The following SPON1 variants were observed in gnomAD, a reference collection of about 807,000 sequenced individuals.
SPON1 encodes the protein spondin-1.
In SPON1, 52 loss-of-function variants were observed where a neutral mutation model predicts 111.7. That is an observed-to-expected ratio of 0.47 (90% CI 0.37 to 0.59). The LOEUF (loss-of-function observed/expected upper bound fraction) is 0.59. SPON1 is among the 20% of genes least tolerant of loss of function. The pLI is 0.00. For synonymous variants in SPON1, 410 were observed against 395.8 expected, an observed-to-expected ratio of 1.04 and a Z score of -0.43; for missense variants, 957 against 1,068.5, an observed-to-expected ratio of 0.90 and a Z score of 1.46.
At chr11:14,142,038 C>T (rs1355407506) in intron 6 of SPON1, among the ~76,000 whole-genome samples, 1 of 152,194 alleles carries the variant, frequency 6.6e-6, no homozygotes, top group Non-Finnish European at 1.5e-5. Flanking sequence ...CCCCTGCCAA[C>T]TATGTGACTT....
At chr11:14,011,817 G>A (rs1848407248) in intron 2 of SPON1, among the ~76,000 whole-genome samples, 1 of 151,638 alleles carries the variant, frequency 6.6e-6, no homozygotes, top group Non-Finnish European at 1.5e-5. Context: ...GAGGTGAGAG[G>A]GAACCCTAAA....
At position 14,262,754 on chromosome 11, in the gene SPON1, G is replaced by A. The variant is rs1554942030; in HGVS notation, c.2039G>A (p.Cys680Tyr). 1 of 1,613,998 alleles carries A rather than the reference G, an allele frequency of 6.2e-7. No homozygotes were observed. The highest frequency in any genetic ancestry group is 8.5e-7 in the Non-Finnish European group (1 of 1,179,896). The stretch of plus-strand genomic sequence containing the variant: ...ACCGAGTGGTCCCAGTGGTCGGAAT[G>A]TAACAAGTCATGTGGGAAAGGCCAC... ...ELTEWSQWSECNKSCGKGHVI... is the reference protein window; with the variant it reads ...ELTEWSQWSEYNKSCGKGHVI... Residue 680 changes from cysteine (C) to tyrosine (Y), a missense_variant, in exon 15 of 16, where the codon TGT becomes TAT. Around this residue, in one of 5 missense-constraint regions of SPON1, gnomAD observed 549 missense variants for 606.2 expected, o/e 0.91. Coordinates refer to ENST00000576479, the MANE Select transcript of SPON1 (RefSeq NM_006108.4).
chr11:13,994,042 G>A (rs1346341135), intron 2 of SPON1, among the ~76,000 whole-genome samples: 1 of 152,106 alleles, frequency 6.6e-6, no homozygotes, highest in African/African-American at 2.4e-5. Context: ...ATAATCACCT[G>A]TTTTTAAACT....
In SPON1 at chr11:14,160,481, T is replaced by TTATATATATATATTTATATATATATTTA. The variant is rs1847904921; in HGVS notation, c.825+24929_825+24930insTATATATATTTATATATATATATATTTA. ...TATATATATATATTTATATATATATTTATATATATATATTTACATATATAT... is the reference window on the plus strand; with the variant it reads ...TATATATATATATTTATATATATATTTATATATATATATTTATATATATATTTATATATATATATATTTACATATATAT... On this transcript the variant is annotated intron_variant, in intron 6 of 15. Coordinates refer to ENST00000576479, the MANE Select transcript of SPON1 (RefSeq NM_006108.4). 4.5e-4 allele frequency among the ~76,000 whole-genome samples: 3 copies of TTATATATATATATTTATATATATATTTA among 6,662 alleles called. 1 individual carries two copies. The highest frequency in any genetic ancestry group is 3.4e-3 in the Admixed American group (1 of 290). 4.4% of individuals were successfully genotyped at this position (6,662 alleles called of 152,430 possible). A position where few individuals can be genotyped will look rare whatever the true frequency, so the allele number is the denominator to read the frequency against.
intron 3 of SPON1, among the ~76,000 whole-genome samples, chr11:14,051,571 C>G (rs1848708102): frequency 6.6e-6 from 1 of 151,998 alleles, no homozygotes; most frequent in African/African-American, 2.4e-5. Context: ...CTTCCTTCCT[C>G]TCTCTGTCAT....
intron 2 of SPON1, among the ~76,000 whole-genome samples, chr11:14,015,696 C>T (rs546938783): frequency 4.6e-5 from 7 of 152,252 alleles, no homozygotes; most frequent in African/African-American, 1.2e-4. Flanking sequence ...AGTAACAAAG[C>T]TTTTGTGTTT....
chr11:14,079,102 G>A (rs1848940566), intron 4 of SPON1, among the ~76,000 whole-genome samples: 1 of 152,224 alleles, frequency 6.6e-6, no homozygotes, highest in South Asian at 2.1e-4. Context: ...CATCTTGCAG[G>A]AAGCAGAACA....
intron 1 of SPON1, among the ~76,000 whole-genome samples, chr11:13,968,083 T>C (rs1848033129): frequency 1.3e-5 from 2 of 152,224 alleles, no homozygotes; most frequent in African/African-American, 4.8e-5. Context: ...TATGGGCTGG[T>C]ATATCAGGAG....
chr11:14,139,417 C>T (rs782737452), intron 6 of SPON1, among the ~76,000 whole-genome samples: 35 of 152,192 alleles, frequency 2.3e-4, no homozygotes, highest in Non-Finnish European at 3.8e-4. Context: ...ATCACACTTA[C>T]ATATTTCTTT....
Position 13,998,329 on chromosome 11 carries a change from G to GAGACA in SPON1, c.345+15382_345+15386dup, listed in dbSNP as rs1276359972. On this transcript the variant is annotated intron_variant, in intron 2 of 15. Transcript: ENST00000576479. ...CAGCTCTGGGGAGAGATGTATGGGA[G>GAGACA]AGACAAGACAGAAATTTACTGCTAA... Among the ~76,000 whole-genome samples, 5 of 152,332 alleles carry GAGACA rather than the reference G, an allele frequency of 3.3e-5. No individual in the cohort carries two copies. The East Asian group carries it at 7.7e-4, about 24-fold the overall frequency.
chr11:14,192,890 G>A (rs1554934722), intron 6 of SPON1, among the ~76,000 whole-genome samples: 1 of 152,160 alleles, frequency 6.6e-6, no homozygotes, highest in Admixed American at 6.5e-5. Flanking sequence ...GCTGGTGAGT[G>A]AAGAGCATTC....
At chr11:14,057,844 C>G (rs12276619) in intron 3 of SPON1, among the ~76,000 whole-genome samples, 1 of 125,460 alleles carries the variant, frequency 8.0e-6, no homozygotes, top group African/African-American at 2.9e-5. Context: ...AAAAAAAAAA[C>G]AAAACAAAAA....
intron 6 of SPON1, among the ~76,000 whole-genome samples, chr11:14,222,487 C>T (rs1181990376): frequency 6.6e-5 from 10 of 152,166 alleles, no homozygotes; most frequent in African/African-American, 1.4e-4. Flanking sequence ...AATTCAGTAG[C>T]GCTGAGGTGG....
Position 14,079,905 on chromosome 11 carries a change from C to T in SPON1, c.560C>T (p.Thr187Ile). ...ACTTTTCTGACTGTTTCAGATTCCACATTTGATGGGGTGACTGACAAACCC... is the reference window on the plus strand; with the variant it reads ...ACTTTTCTGACTGTTTCAGATTCCATATTTGATGGGGTGACTGACAAACCC... ...LTKKLCEQDS[T>I]FDGVTDKPIL... The change falls in exon 5 of 16, where the codon ACA (threonine) becomes ATA (isoleucine). Residue 187 changes from threonine to isoleucine, a missense_variant. Around this residue, in one of 5 missense-constraint regions of SPON1, gnomAD observed 262 missense variants for 253.9 expected, o/e 1.03. Transcript: ENST00000576479. The T allele has an allele frequency of 6.2e-7, 1 of 1,613,922 alleles. No individual in the cohort carries two copies. Among genetic ancestry groups the T allele is most frequent in the Non-Finnish European group, 8.5e-7 (1 of 1,179,870 alleles).
chr11:13,970,938 T>C (rs1848058522), intron 1 of SPON1, among the ~76,000 whole-genome samples: 1 of 152,234 alleles, frequency 6.6e-6, no homozygotes, highest in African/African-American at 2.4e-5. Context: ...ATTTGCCATT[T>C]TATCTTCAAT....
chr11:14,116,342 T>C (rs1383301560), intron 5 of SPON1, among the ~76,000 whole-genome samples: 1 of 152,170 alleles, frequency 6.6e-6, no homozygotes. Flanking sequence ...TCTCTTGTAT[T>C]TCCTTCCAAA....
At chr11:14,192,615 C>T (rs1417847107) in intron 6 of SPON1, among the ~76,000 whole-genome samples, 16 of 151,536 alleles carry the variant, frequency 1.1e-4, no homozygotes, top group Non-Finnish European at 2.1e-4. Context: ...TGTCCAAATG[C>T]CCTCCCTCAC....
intron 3 of SPON1, among the ~76,000 whole-genome samples, chr11:14,056,796 C>G (rs1247326696): frequency 6.6e-6 from 1 of 152,100 alleles, no homozygotes; most frequent in Non-Finnish European, 1.5e-5. Flanking sequence ...GAGGCTGAGG[C>G]AGGAGAATGG....
At position 14,041,596 on chromosome 11, in the gene SPON1, A is replaced by G; in HGVS notation, c.421A>G (p.Thr141Ala). ...AVTESTPRRRTRIQVFWIAPP... is the reference protein window; with the variant it reads ...AVTESTPRRRARIQVFWIAPP... Reference sequence around the variant, plus strand: ...CACTGAAAGCACTCCACGGAGGAGGACCCGGATCCAGGTGTTTTGGATAGC... The same window carrying G: ...CACTGAAAGCACTCCACGGAGGAGGGCCCGGATCCAGGTGTTTTGGATAGC... The change falls in exon 3 of 16, where the codon ACC becomes GCC. Residue 141 changes from threonine (T) to alanine (A), a missense_variant. By Grantham distance (58) the Thr-to-Ala change is moderately conservative (BLOSUM62 0). Coordinates refer to ENST00000576479, the MANE Select transcript of SPON1 (RefSeq NM_006108.4). The G allele has an allele frequency of 6.2e-7, 1 of 1,613,860 alleles. No homozygotes were observed. Among genetic ancestry groups the G allele is most frequent in the Non-Finnish European group, 8.5e-7 (1 of 1,179,866 alleles).
Sources: gnomAD v4.1 joint callset for allele counts (sites outside exome capture counted in the v4.1 genomes callset) on GRCh38, gnomAD v4.1.1 for gene constraint, gnomAD v4.1.1 regional missense constraint, MANE v1.5 for transcripts, NCBI Gene and HGNC (gene_info 2026-07-23, HGNC 2026-07-21) for gene names.